Variants in B3GNT5 observed in about 807,000 individuals in gnomAD.
B3GNT5 encodes lactosylceramide 1,3-N-acetyl-beta-D-glucosaminyltransferase.
In B3GNT5, 11 loss-of-function variants were observed where a neutral mutation model predicts 25.9. The ratio of observed to expected loss-of-function variants is 0.42; its 90% CI spans 0.27 to 0.70. B3GNT5 has a LOEUF of 0.70. Ranked by LOEUF, B3GNT5 falls within the 30% of genes least tolerant of loss-of-function variation. The pLI, the probability that B3GNT5 is intolerant of heterozygous loss-of-function variation, is 0.23. For synonymous variants in B3GNT5, 166 were observed against 158.6 expected, an observed-to-expected ratio of 1.05 and a Z score of -0.35; for missense variants, 385 against 458.4, an observed-to-expected ratio of 0.84 and a Z score of 1.46.
At chr3:183,269,229 G>GTTTTTTTTTTTTTTTTTTTTTTTTT (rs1305607255) in intron 1 of B3GNT5, among the ~76,000 whole-genome samples, 2 of 77,022 alleles carry the variant, frequency 2.6e-5, no homozygotes, top group African/African-American at 2.3e-4. Flanking sequence ...CGTTTGGGAA[G>GTTTTTTTTTTTTTTTTTTTTTTTTT]CTTTTTTTTT....
Position 183,272,745 on chromosome 3 carries a change from AG to A in B3GNT5, c.*1811del. The stretch of plus-strand genomic sequence containing the variant: ...AACAAGCTTATAATTAATTTTTATT[AG>A]TTGATTGATTAATGATGTATTGCCT... On this transcript the variant is annotated 3_prime_UTR_variant, in exon 2 of 2. Coordinates refer to ENST00000326505, the MANE Select transcript of B3GNT5 (RefSeq NM_032047.5). The A allele has an allele frequency of 9.5e-7, 1 of 1,053,500 alleles. No homozygotes were observed. Among genetic ancestry groups the A allele is most frequent in the South Asian group, 4.5e-5 (1 of 22,316 alleles). The allele number at this position is 1,053,500 out of a possible 1,614,324, so 65.3% of individuals were successfully genotyped here. A position where few individuals can be genotyped will look rare whatever the true frequency, so the allele number is the denominator to read the frequency against.
intron 1 of B3GNT5, among the ~76,000 whole-genome samples, chr3:183,261,655 T>G (rs1725596697): frequency 6.6e-6 from 1 of 152,144 alleles, no homozygotes; most frequent in South Asian, 2.1e-4. Context: ...AATTATCAGT[T>G]CAGTCTTGTT....
At chr3:183,264,609 A>G (rs1725924675) in intron 1 of B3GNT5, among the ~76,000 whole-genome samples, 1 of 152,254 alleles carries the variant, frequency 6.6e-6, no homozygotes, top group African/African-American at 2.4e-5. Context: ...AGGTTGTTTA[A>G]CTTGTACTTA....
intron 1 of B3GNT5, among the ~76,000 whole-genome samples, chr3:183,262,099 ATAATAC>A (rs149818878): frequency 0.016 from 2,459 of 149,668 alleles, 90 homozygotes; most frequent in African/African-American, 0.058. Flanking sequence ...TTAAAGTATC[ATAATAC>A]TAATACAAGG....
In B3GNT5 at chr3:183,269,981, C is replaced by T. The variant is rs1406151947; in HGVS notation, c.183C>T (p.Thr61=). Residue 61 remains threonine (T), a synonymous_variant, in exon 2 of 2, where the codon ACC becomes ACT. Transcript: ENST00000326505. The part of the protein sequence containing the change: ...LINSYDFVND[T]LSLKHTSAGP... ...ATAGCTATGACTTTGTGAATGATAC[C>T]CTGTCTCTTAAGCACACCTCAGCGG... The T allele has an allele frequency of 1.2e-6, 2 of 1,613,936 alleles. No individual in the cohort carries two copies. Among genetic ancestry groups the T allele is most frequent in the Non-Finnish European group, 1.7e-6 (2 of 1,179,972 alleles).
In B3GNT5 at chr3:183,269,768, T is replaced by G. The variant is rs1451635305; in HGVS notation, c.-31T>G. On this transcript the variant is annotated 5_prime_UTR_variant, in exon 2 of 2. Coordinates refer to ENST00000326505, the MANE Select transcript of B3GNT5 (RefSeq NM_032047.5). ...GAAGAAGCCCGTGCCTGTTTAAAAC[T>G]GATCCTAACTAAAAACAGACTTGAG... The G allele has an allele frequency of 6.4e-7, 1 of 1,569,822 alleles. No homozygotes were observed. Among genetic ancestry groups the G allele is most frequent in the Admixed American group, 1.8e-5 (1 of 54,250 alleles).
At chr3:183,262,643 G>A (rs1285456236) in intron 1 of B3GNT5, among the ~76,000 whole-genome samples, 2 of 151,760 alleles carry the variant, frequency 1.3e-5, no homozygotes, top group Non-Finnish European at 2.9e-5. Flanking sequence ...GGCCCAGAAG[G>A]GGAGGAGGAG....
intron 1 of B3GNT5, among the ~76,000 whole-genome samples, chr3:183,263,334 A>G (rs1401482369): frequency 1.3e-5 from 2 of 152,114 alleles, no homozygotes; most frequent in Non-Finnish European, 2.9e-5. Context: ...CCAACCTCAA[A>G]CCAGCCCCCA....
chr3:183,260,802 C>T (rs1409294079), intron 1 of B3GNT5, among the ~76,000 whole-genome samples: 3 of 152,198 alleles, frequency 2.0e-5, no homozygotes, highest in African/African-American at 7.2e-5. Flanking sequence ...CCCTCTATCC[C>T]AAAGCCATGA....
Position 183,270,399 on chromosome 3 carries a change from C to A in B3GNT5, c.601C>A (p.Pro201Thr), listed in dbSNP as rs1322045896. ...TGATGATGACATATTTATTCACATGCCAAATCTGATTGAGTACCTTCAAAG... is the reference window on the plus strand; with the variant it reads ...TGATGATGACATATTTATTCACATGACAAATCTGATTGAGTACCTTCAAAG... ...TADDDIFIHM[P>T]NLIEYLQSLE... Residue 201 changes from proline (P) to threonine (T), a missense_variant, in exon 2 of 2, where the codon CCA (proline) becomes ACA (threonine). By Grantham distance (38) the Pro-to-Thr change is conservative (BLOSUM62 -1). Transcript: ENST00000326505. The surrounding 1 kb of genome is among the most constrained non-coding windows in gnomAD (Gnocchi z 4.5). 6.2e-7 allele frequency: 1 copy of A among 1,614,024 alleles called. No individual in the cohort carries two copies. The highest frequency in any genetic ancestry group is 1.3e-5 in the African/African-American group (1 of 74,914).
chr3:183,266,108 A>G (rs1266406095), intron 1 of B3GNT5: 1 of 152,262 alleles, frequency 6.6e-6, no homozygotes. Context: ...AAGCAACAGC[A>G]GCAATGCACC....
intron 1 of B3GNT5, among the ~76,000 whole-genome samples, chr3:183,255,478 C>G (rs1183033426): frequency 6.6e-6 from 1 of 152,202 alleles, no homozygotes; most frequent in Non-Finnish European, 1.5e-5. Context: ...TCCTCCCGCA[C>G]ACGCTCTGAG....
At chr3:183,265,323 TG>T (rs1251430377) in intron 1 of B3GNT5, 1 of 152,288 alleles carries the variant, frequency 6.6e-6, no homozygotes, top group East Asian at 1.9e-4. Context: ...CAGTCTGTTG[TG>T]GATGGTTGCT....
chr3:183,261,516 A>T (rs1282037277), intron 1 of B3GNT5, among the ~76,000 whole-genome samples: 1 of 152,174 alleles, frequency 6.6e-6, no homozygotes, highest in Non-Finnish European at 1.5e-5. Flanking sequence ...AAATTTTTTT[A>T]AAAACTGTGA....
chr3:183,264,952 A>C (rs1725956710), intron 1 of B3GNT5, among the ~76,000 whole-genome samples: 1 of 152,194 alleles, frequency 6.6e-6, no homozygotes, highest in Non-Finnish European at 1.5e-5. Context: ...TCTATTAGAA[A>C]AGATAATACT....
chr3:183,266,361 C>G (rs1203975152), intron 1 of B3GNT5, among the ~76,000 whole-genome samples: 1 of 152,232 alleles, frequency 6.6e-6, no homozygotes, highest in East Asian at 1.9e-4. Flanking sequence ...GGTTACTTTC[C>G]TCTTTGTTCC....
chr3:183,260,300 AC>A (rs1170140064), intron 1 of B3GNT5, among the ~76,000 whole-genome samples: 1 of 152,118 alleles, frequency 6.6e-6, no homozygotes, highest in Non-Finnish European at 1.5e-5. Context: ...TAGTAGACAT[AC>A]CCATGGTAGT....
At position 183,270,627 on chromosome 3, in the gene B3GNT5, T is replaced by C. The variant is rs770531165; in HGVS notation, c.829T>C (p.Ser277Pro). 1 of 1,614,138 alleles carries C rather than the reference T, an allele frequency of 6.2e-7. No homozygotes were observed. Among genetic ancestry groups the C allele is most frequent in the Non-Finnish European group, 8.5e-7 (1 of 1,180,032 alleles). Reference sequence around the variant, plus strand: ...CTATGAGGCATCACAGACACTAAATTCAAGTCTTTACATAGACGATGTGTT... The same window carrying C: ...CTATGAGGCATCACAGACACTAAATCCAAGTCTTTACATAGACGATGTGTT... ...KVYEASQTLN[S>P]SLYIDDVFMG... The change falls in exon 2 of 2, where the codon TCA becomes CCA. Residue 277 changes from serine (S) to proline (P), a missense_variant. Coordinates refer to ENST00000326505, the MANE Select transcript of B3GNT5 (RefSeq NM_032047.5). This position sits in a 1 kb window ranked among gnomAD's most constrained non-coding sequence, Gnocchi z 4.5.
chr3:183,265,276 C>CCGTG (rs1277113992), intron 1 of B3GNT5: 1 of 152,268 alleles, frequency 6.6e-6, no homozygotes, highest in African/African-American at 2.4e-5. Context: ...GGCCACTGAC[C>CCGTG]CGTGCTGCAG....
Sources: gnomAD v4.1 joint callset for allele counts (sites outside exome capture counted in the v4.1 genomes callset) on GRCh38, gnomAD v4.1.1 for gene constraint, Gnocchi (gnomAD v3.1) non-coding constraint, MANE v1.5 for transcripts, NCBI Gene and HGNC (gene_info 2026-07-23, HGNC 2026-07-21) for gene names.